Variants in ASTN2 observed in about 807,000 individuals in gnomAD.
ASTN2 encodes the protein astrotactin 2.
ASTN2 carries 54 observed loss-of-function variants against 139.8 expected under a neutral mutation model. That is an observed-to-expected ratio of 0.39 (90% CI 0.31 to 0.48). ASTN2 has a LOEUF of 0.48. Among genes scored for constraint, ASTN2 ranks in the 20% least tolerant of loss-of-function variants. The probability of loss-of-function intolerance (pLI) is 0.95; values close to 1 mark genes in which losing one functional copy is unlikely to be tolerated. For synonymous variants in ASTN2, 756 were observed against 719.5 expected (o/e 1.05, Z -0.81); for missense variants, 1,565 against 1,725.1 (o/e 0.91, Z 1.64).
At chr9:116,631,351 G>A (rs1186387959) in intron 17 of ASTN2, among the ~76,000 whole-genome samples, 1 of 152,182 alleles carries the variant, frequency 6.6e-6, no homozygotes, top group African/African-American at 2.4e-5. Flanking sequence ...TAAAGAAAAT[G>A]TGATGTATAT....
intron 1 of ASTN2, among the ~76,000 whole-genome samples, chr9:117,360,530 A>T (rs1829662032): frequency 6.6e-6 from 1 of 152,226 alleles, no homozygotes; most frequent in African/African-American, 2.4e-5. Flanking sequence ...GCAGGGGATA[A>T]TTCCCACCCT....
At chr9:116,987,228 G>C (rs1836713632) in intron 7 of ASTN2, among the ~76,000 whole-genome samples, 1 of 152,230 alleles carries the variant, frequency 6.6e-6, no homozygotes, top group Non-Finnish European at 1.5e-5. Context: ...TATGGAGACA[G>C]ACTTCCCCCT....
At chr9:117,016,609 TCTATATCTATCTATCTA>T (rs1837689197) in intron 6 of ASTN2, among the ~76,000 whole-genome samples, 1 of 15,586 alleles carries the variant, frequency 6.4e-5, no homozygotes, top group Non-Finnish European at 1.1e-4. Context: ...TATATCTATA[TCTATATCTATCTATCTA>T]TATATATATA....
rs961596623 is a variant in ASTN2 at position 116,852,964 on chromosome 9, A to G, written c.2040+10619T>C. Among the ~76,000 whole-genome samples the G allele has an allele frequency of 9.9e-5, 15 of 152,152 alleles. No individual in the cohort carries two copies. The South Asian group carries it at 1.2e-3, about 13-fold the overall frequency. ...GTCAGTTGTCCTAAAAAGAAAAAAAAATTGGAAAAGCTCTAGGAAAAGCAG... is the reference window on the plus strand; with the variant it reads ...GTCAGTTGTCCTAAAAAGAAAAAAAGATTGGAAAAGCTCTAGGAAAAGCAG... On this transcript the variant is annotated intron_variant, in intron 11 of 22. Coordinates refer to ENST00000313400, the MANE Select transcript of ASTN2 (RefSeq NM_001365068.1).
chr9:117,369,330 T>A (rs1829930045), intron 1 of ASTN2, among the ~76,000 whole-genome samples: 1 of 152,160 alleles, frequency 6.6e-6, no homozygotes, highest in Admixed American at 6.6e-5. Flanking sequence ...ATTATCATTA[T>A]TAATAATAAT....
At chr9:117,207,976 A>C (rs1370827734) in intron 3 of ASTN2, among the ~76,000 whole-genome samples, 1 of 152,178 alleles carries the variant, frequency 6.6e-6, no homozygotes, top group Non-Finnish European at 1.5e-5. Flanking sequence ...AACACACCAA[A>C]CTAACACCTC....
intron 19 of ASTN2, among the ~76,000 whole-genome samples, chr9:116,522,019 G>A (rs1019603801): frequency 6.6e-6 from 1 of 152,116 alleles, no homozygotes; most frequent in Non-Finnish European, 1.5e-5. Context: ...AGTAATAGAT[G>A]TTGGTATGGA....
chr9:116,968,175 A>G (rs982932280), intron 10 of ASTN2, among the ~76,000 whole-genome samples: 4 of 151,166 alleles, frequency 2.6e-5, no homozygotes, highest in Non-Finnish European at 4.4e-5. Context: ...AACTTTGCTC[A>G]AGTTAATTCT....
chr9:117,405,423 A>G (rs1360748239), intron 1 of ASTN2, among the ~76,000 whole-genome samples: 26 of 152,226 alleles, frequency 1.7e-4, no homozygotes, highest in Admixed American at 1.7e-3. Context: ...GAAAGAATAG[A>G]TAACAAATGT....
At chr9:116,504,933 A>G (rs1850046400) in intron 19 of ASTN2, among the ~76,000 whole-genome samples, 1 of 151,564 alleles carries the variant, frequency 6.6e-6, no homozygotes, top group Admixed American at 6.6e-5. Context: ...AACAACAACA[A>G]AAAACACAAG....
At chr9:116,656,094 G>A (rs992632996) in intron 16 of ASTN2, among the ~76,000 whole-genome samples, 1 of 152,072 alleles carries the variant, frequency 6.6e-6, no homozygotes, top group Non-Finnish European at 1.5e-5. Flanking sequence ...AATGTCTCGA[G>A]ATTGTAAACT....
intron 16 of ASTN2, among the ~76,000 whole-genome samples, chr9:116,669,662 A>G (rs1246442042): frequency 1.3e-5 from 2 of 152,226 alleles, no homozygotes; most frequent in South Asian, 2.1e-4. Flanking sequence ...TATATTTTGG[A>G]TAACAGTCCT....
At chr9:117,162,169 T>C (rs533958480) in intron 3 of ASTN2, among the ~76,000 whole-genome samples, 2 of 152,148 alleles carry the variant, frequency 1.3e-5, no homozygotes, top group East Asian at 3.9e-4. Flanking sequence ...TTCTATCCTA[T>C]CAGGGGAAGA....
chr9:116,894,194 T>C (rs987219417), intron 10 of ASTN2, among the ~76,000 whole-genome samples: 1 of 152,202 alleles, frequency 6.6e-6, no homozygotes, highest in African/African-American at 2.4e-5. Context: ...GGGCCTCCTT[T>C]CTGCCCCTGA....
chr9:116,539,386 A>G (rs192644830), intron 19 of ASTN2, among the ~76,000 whole-genome samples: 24 of 149,446 alleles, frequency 1.6e-4, no homozygotes, highest in Middle Eastern at 3.5e-3. Context: ...TGAGGGAGGG[A>G]AAAAAAAAAG....
In ASTN2 at chr9:117,042,855, T is replaced by C. The variant is rs566920803; in HGVS notation, c.1277-2890A>G. Among the ~76,000 whole-genome samples the C allele has an allele frequency of 8.5e-4, 129 of 152,080 alleles. 2 individuals carry two copies. The highest frequency in any genetic ancestry group is 3.0e-3 in the African/African-American group (124 of 41,498). ...ACAGCAGCACTGGAGTTTTTTGTTG[T>C]TGTTGTTTTTTGTTTTGCTTGTTTG... is the stretch of plus-strand genomic sequence containing the variant. On this transcript the variant is annotated intron_variant, in intron 5 of 22. Coordinates refer to ENST00000313400, the MANE Select transcript of ASTN2 (RefSeq NM_001365068.1).
At chr9:116,704,781 GTAAA>G (rs1827947353) in intron 16 of ASTN2, among the ~76,000 whole-genome samples, 1 of 151,796 alleles carries the variant, frequency 6.6e-6, no homozygotes, top group Admixed American at 6.6e-5. Flanking sequence ...TAGGAAAGCT[GTAAA>G]TAAATCCTAA....
chr9:117,336,057 G>GAAAAAAAAA (rs35679249), intron 1 of ASTN2, among the ~76,000 whole-genome samples: 1 of 104,926 alleles, frequency 9.5e-6, no homozygotes, highest in African/African-American at 3.7e-5. Context: ...GTCTGGAAAG[G>GAAAAAAAAA]AAAAAAAAAA....
chr9:117,055,252 C>T (rs530211764), intron 5 of ASTN2, among the ~76,000 whole-genome samples: 66 of 152,310 alleles, frequency 4.3e-4, no homozygotes, highest in African/African-American at 1.5e-3. Flanking sequence ...AAGTGCCAGA[C>T]ATTGTGTTGG....
Sources: gnomAD v4.1 joint callset for allele counts (sites outside exome capture counted in the v4.1 genomes callset) on GRCh38, gnomAD v4.1.1 for gene constraint, MANE v1.5 for transcripts, NCBI Gene and HGNC (gene_info 2026-07-23, HGNC 2026-07-21) for gene names.